The following ABCA8 variants were observed in gnomAD, a reference collection of about 807,000 sequenced individuals.
ABCA8 encodes ATP binding cassette subfamily A member 8.
In ABCA8, 177 loss-of-function variants were observed where a neutral mutation model predicts 192.3. The observed-to-expected ratio is 0.92, with a 90% confidence interval of 0.81 to 1.04. The LOEUF is 1.04. Among genes scored for constraint, ABCA8 ranks in the 50% least tolerant of loss-of-function variants. ABCA8 has a pLI of 0.00. For synonymous variants in ABCA8, 642 were observed against 690.2 expected (o/e 0.93, Z 1.09); for missense variants, 1,915 against 1,904.8 (o/e 1.01, Z -0.10).
chr17:68,945,484 G>A (rs1199249889), intron 2 of ABCA8, among the ~76,000 whole-genome samples: 1 of 152,110 alleles, frequency 6.6e-6, no homozygotes, highest in African/African-American at 2.4e-5. Context: ...CTTGGTGATT[G>A]TGTATTTGGT....
chr17:68,881,878 A>G lies in ABCA8; in HGVS notation c.3931T>C (p.Phe1311Leu). ...KNKIATRNVS[F>L]CVRKGEVLGL... ...TATGGCCAACCTTTTCTAACACAGA[A>G]GGAGACATTTCTCGTGGCTATCTTA... The change falls in exon 31 of 40, where the codon TTC becomes CTC. Residue 1311 changes from phenylalanine (F) to leucine (L), a missense_variant. By Grantham distance (22) the Phe-to-Leu change is conservative. Transcript: ENST00000586539. The G allele has an allele frequency of 6.2e-7, 1 of 1,613,902 alleles. No individual in the cohort carries two copies. Among genetic ancestry groups the G allele is most frequent in the Non-Finnish European group, 8.5e-7 (1 of 1,179,768 alleles).
intron 35 of ABCA8, among the ~76,000 whole-genome samples, chr17:68,875,976 A>C (rs2066194721): frequency 6.6e-6 from 1 of 152,216 alleles, no homozygotes; most frequent in Non-Finnish European, 1.5e-5. Context: ...GGTTGTGTTC[A>C]AAGAGAAGTG....
intron 23 of ABCA8, chr17:68,893,939 A>G: frequency 6.6e-6 from 2 of 303,732 alleles, no homozygotes; most frequent in South Asian, 5.5e-5. Context: ...TCCTGTGTCC[A>G]TGTGATCTCA....
At chr17:68,907,151 C>T (rs549043160) in intron 18 of ABCA8, among the ~76,000 whole-genome samples, 13 of 152,136 alleles carry the variant, frequency 8.5e-5, no homozygotes, top group South Asian at 4.1e-4. Flanking sequence ...TCAGAATTTG[C>T]GTAACACTTT....
At chr17:68,928,566 C>T (rs2067764289) in intron 9 of ABCA8, among the ~76,000 whole-genome samples, 1 of 152,070 alleles carries the variant, frequency 6.6e-6, no homozygotes, top group Non-Finnish European at 1.5e-5. Context: ...TTGACATTTC[C>T]ATTTAGTTAG....
chr17:68,914,029 C>T (rs2067287889), intron 17 of ABCA8, among the ~76,000 whole-genome samples: 1 of 151,920 alleles, frequency 6.6e-6, no homozygotes, highest in Admixed American at 6.6e-5. Context: ...ATACATCATA[C>T]CAACAGAATA....
intron 2 of ABCA8, 92 bp downstream of exon 2, chr17:68,949,220 A>G (rs1044808645): frequency 6.6e-5 from 10 of 152,230 alleles, no homozygotes; most frequent in Non-Finnish European, 1.3e-4. Context: ...TCCATGACAC[A>G]TACACCCTCC....
chr17:68,903,449 T>C lies in ABCA8; in HGVS notation c.2449A>G (p.Arg817Gly), dbSNP rs1251556982. Residue 817 changes from arginine (R) to glycine (G), a missense_variant, in exon 20 of 40, where the codon AGG becomes GGG. Arg to Gly is a moderately radical substitution (Grantham distance 125, BLOSUM62 -2). Transcript: ENST00000586539. ...AGGACTTGTTCCATCTCAACAAGCC[T>C]TTCAGTGTCGTCAGCTTTTTCCGCT... ...VQAEKADDTE[R>G]LVEMEQVLSS... The C allele has an allele frequency of 4.3e-5, 69 of 1,614,028 alleles. No individual in the cohort carries two copies. Among genetic ancestry groups the C allele is most frequent in the Non-Finnish European group, 5.7e-5 (67 of 1,180,030 alleles).
intron 7 of ABCA8, 175 bp downstream of exon 7, chr17:68,932,113 G>T: frequency 2.1e-6 from 1 of 483,258 alleles, no homozygotes; most frequent in African/African-American, 1.9e-5. Flanking sequence ...GGGAGGCCGA[G>T]GCAGGAGAAT....
chr17:68,931,821 TTAAC>T (rs1334760709), intron 7 of ABCA8: 1 of 122,272 alleles, frequency 8.2e-6, no homozygotes, highest in East Asian at 2.8e-4. Flanking sequence ...CCCACTGAAA[TTAAC>T]TAAGTGGAAA....
rs1217569521 is a variant in ABCA8 at position 68,946,850 on chromosome 17, G to C, written c.-6+2462C>G. 5.9e-5 allele frequency among the ~76,000 whole-genome samples: 9 copies of C among 152,138 alleles called. No individual in the cohort carries two copies. In the East Asian group the frequency reaches 9.7e-4, roughly 16 times the overall value. On this transcript the variant is annotated intron_variant, in intron 2 of 39. Transcript: ENST00000586539. ...CCGCCACTCACGAGGCTGAGGCAGGGGAATCGCTTGAACCCAGGAGGCAGA... is the reference window on the plus strand; with the variant it reads ...CCGCCACTCACGAGGCTGAGGCAGGCGAATCGCTTGAACCCAGGAGGCAGA...
chr17:68,928,488 T>C (rs1290606597), intron 9 of ABCA8, among the ~76,000 whole-genome samples: 5 of 152,192 alleles, frequency 3.3e-5, no homozygotes, highest in African/African-American at 1.2e-4. Context: ...GTCTATGATG[T>C]TCAAGTTAAT....
intron 17 of ABCA8, among the ~76,000 whole-genome samples, chr17:68,915,977 C>T (rs2067349213): frequency 6.6e-6 from 1 of 152,202 alleles, no homozygotes; most frequent in Non-Finnish European, 1.5e-5. Context: ...TGTGCAACAA[C>T]ATGGATGGAA....
chr17:68,932,078 T>C (rs4147972), intron 7 of ABCA8: 224,566 of 399,046 alleles, frequency 0.56, 64,935 homozygotes, highest in African/African-American at 0.71. Context: ...GGCATGGTGG[T>C]CGGCACCTGC....
rs900137160 is a variant in ABCA8, at chr17:68,918,505, C to A, written c.1830G>T (p.Gln610His). 4 of 1,527,036 alleles carry A rather than the reference C, an allele frequency of 2.6e-6. No individual in the cohort carries two copies. Among genetic ancestry groups the A allele is most frequent in the Admixed American group, 2.2e-5 (1 of 45,782 alleles). The allele number at this position is 1,527,036 out of a possible 1,614,324, so 94.6% of individuals were successfully genotyped here. A position where few individuals can be genotyped will look rare whatever the true frequency, so the allele number is the denominator to read the frequency against. Residue 610 changes from glutamine (Q) to histidine (H), a missense_variant, in exon 15 of 40, where the codon CAG becomes CAT. By Grantham distance (24) the Gln-to-His change is conservative. Coordinates refer to ENST00000586539, the MANE Select transcript of ABCA8 (RefSeq NM_001288985.2). ...CACTTAAGTTTTGAGCAAGAACATC[C>A]TGAATATTTTTCATTTCCAATTCCA... is the stretch of plus-strand genomic sequence containing the variant. ...VLLELEMKNI[Q>H]DVLAQNLSGG... is the part of the protein sequence containing the mutation.
rs971475633 is a variant in ABCA8 at position 68,932,313 on chromosome 17, T to C, written c.772A>G (p.Met258Val). 6 of 1,613,586 alleles carry C rather than the reference T, an allele frequency of 3.7e-6. No individual in the cohort carries two copies. Among genetic ancestry groups the C allele is most frequent in the African/African-American group, 1.3e-5 (1 of 75,000 alleles). The change falls in exon 7 of 40, where the codon ATG (methionine) becomes GTG (valine). Residue 258 changes from methionine to valine, a missense_variant. Coordinates refer to ENST00000586539, the MANE Select transcript of ABCA8 (RefSeq NM_001288985.2). ...RKRMKALMTM[M>V]GLRDSAFWLS... ...CAGAACGCTGAATCCCGAAGACCCA[T>C]CATTGTCATCAAGGCCTTCATCCTT...
chr17:68,924,727 T>C lies in ABCA8; in HGVS notation c.1416A>G (p.Pro472=). 9 of 1,613,760 alleles carry C rather than the reference T, an allele frequency of 5.6e-6. No individual in the cohort carries two copies. Among genetic ancestry groups the C allele is most frequent in the Non-Finnish European group, 7.6e-6 (9 of 1,179,880 alleles). ...TGATGGCTTCTTTCCCTTGGAATTC[T>C]GGAGGCGCTTGTTCAAAAGAGTCAT... The part of the protein sequence containing the change: ...SFHDSFEQAP[P]EFQGKEAIRI... Residue 472 remains proline, a synonymous_variant, in exon 11 of 40, where the codon CCA becomes CCG. Transcript: ENST00000586539.
At chr17:68,885,887 A>C (rs1381574216) in intron 26 of ABCA8, among the ~76,000 whole-genome samples, 1 of 152,192 alleles carries the variant, frequency 6.6e-6, no homozygotes, top group East Asian at 1.9e-4. Context: ...ATAAACTTTA[A>C]AAAATAAAAG....
chr17:68,896,774 A>C (rs2066772016), intron 21 of ABCA8, among the ~76,000 whole-genome samples: 1 of 152,208 alleles, frequency 6.6e-6, no homozygotes, highest in African/African-American at 2.4e-5. Context: ...GAAAGGTGAA[A>C]GTTATTGACT....
Sources: gnomAD v4.1 joint callset for allele counts (sites outside exome capture counted in the v4.1 genomes callset) on GRCh38, gnomAD v4.1.1 for gene constraint, MANE v1.5 for transcripts, NCBI Gene and HGNC (gene_info 2026-07-23, HGNC 2026-07-21) for gene names.